Variants in LMCD1 observed in about 807,000 individuals in gnomAD.
LMCD1 encodes LIM and cysteine rich domains 1.
A neutral mutation model predicts 42.7 loss-of-function variants in LMCD1; 32 were observed. The observed-to-expected ratio is 0.75, with a 90% confidence interval of 0.57 to 1.01. LMCD1 has a LOEUF of 1.01. LMCD1 is among the 50% of genes least tolerant of loss of function. The pLI, the probability that LMCD1 is intolerant of heterozygous loss-of-function variation, is 0.00. For missense variants in LMCD1, 458 were observed against 483.1 expected (o/e 0.95, Z 0.49); for synonymous variants, 178 against 184.9 (o/e 0.96, Z 0.30).
chr3:8,567,859 G>T lies in LMCD1; in HGVS notation c.*261G>T. On this transcript the variant is annotated 3_prime_UTR_variant, in exon 6 of 6. Coordinates refer to ENST00000157600, the MANE Select transcript of LMCD1 (RefSeq NM_014583.4). ...TGGAGTTCCTTTTCTTTCTGTTGTTGTTTCCCAGCTACAACCAACTAAAGA... is the reference window on the plus strand; with the variant it reads ...TGGAGTTCCTTTTCTTTCTGTTGTTTTTTCCCAGCTACAACCAACTAAAGA... The T allele has an allele frequency of 3.8e-6, 1 of 265,742 alleles. No individual in the cohort carries two copies. Among genetic ancestry groups the T allele is most frequent in the Non-Finnish European group, 7.0e-6 (1 of 142,628 alleles). The allele number at this position is 265,742 out of a possible 1,614,324, so 16.5% of individuals were successfully genotyped here. A position where few individuals can be genotyped will look rare whatever the true frequency, so the allele number is the denominator to read the frequency against.
intron 3 of LMCD1, among the ~76,000 whole-genome samples, chr3:8,545,073 A>G (rs1694708434): frequency 1.3e-5 from 2 of 152,210 alleles, no homozygotes; most frequent in Non-Finnish European, 2.9e-5. Context: ...AGTCATATTA[A>G]TGGGGAAATG....
At chr3:8,553,488 A>G (rs894498669) in intron 4 of LMCD1, among the ~76,000 whole-genome samples, 4 of 152,212 alleles carry the variant, frequency 2.6e-5, no homozygotes, top group African/African-American at 7.2e-5. Flanking sequence ...TGCAGGACAC[A>G]CTGCTGTCTG....
At position 8,502,276 on chromosome 3, in the gene LMCD1, TAAAA is replaced by T. The variant is rs796628675; in HGVS notation, c.42+297_42+300del. On this transcript the variant is annotated intron_variant, in intron 1 of 5. Coordinates refer to ENST00000157600, the MANE Select transcript of LMCD1 (RefSeq NM_014583.4). ...ATAAAATGTATATAAAATATATATA[TAAAA>T]TATATATAATATATATTATATATAA... 5.0e-4 allele frequency among the ~76,000 whole-genome samples: 38 copies of T among 75,822 alleles called. No individual in the cohort carries two copies. The East Asian group carries it at 0.011, about 23-fold the overall frequency. 49.7% of individuals were successfully genotyped at this position (75,822 alleles called of 152,430 possible).
chr3:8,510,677 T>A (rs1693978204), intron 1 of LMCD1, among the ~76,000 whole-genome samples: 1 of 152,154 alleles, frequency 6.6e-6, no homozygotes, highest in African/African-American at 2.4e-5. Flanking sequence ...TTTATACTCA[T>A]CCCTGCTCTG....
At chr3:8,550,269 C>T (rs1271154714) in intron 4 of LMCD1, 2 of 1,040,572 alleles carry the variant, frequency 1.9e-6, no homozygotes, top group Non-Finnish European at 2.3e-6. Flanking sequence ...ACCTTTTGCT[C>T]CTCCTGCCCC....
intron 1 of LMCD1, among the ~76,000 whole-genome samples, chr3:8,522,259 G>C (rs1179387746): frequency 6.6e-6 from 1 of 152,182 alleles, no homozygotes; most frequent in Non-Finnish European, 1.5e-5. Flanking sequence ...CCCTCCCCTG[G>C]AGGGGAAGGC....
chr3:8,568,245 G>C lies in LMCD1; in HGVS notation c.*647G>C, dbSNP rs1175845847. 6.6e-6 allele frequency: 1 copy of C among 152,224 alleles called. No individual in the cohort carries two copies. The highest frequency in any genetic ancestry group is 1.5e-5 in the Non-Finnish European group (1 of 68,052). 9.4% of individuals were successfully genotyped at this position (152,224 alleles called of 1,614,324 possible). ...GTATCTCATCAGACTTCCACTGGGA[G>C]TGTAGGCTTTGGGACAGAACCCCCG... On this transcript the variant is annotated 3_prime_UTR_variant, in exon 6 of 6. Coordinates refer to ENST00000157600, the MANE Select transcript of LMCD1 (RefSeq NM_014583.4).
chr3:8,509,993 G>A (rs528361381), intron 1 of LMCD1, among the ~76,000 whole-genome samples: 7 of 152,272 alleles, frequency 4.6e-5, no homozygotes, highest in South Asian at 4.1e-4. Flanking sequence ...TGTTTTCAGA[G>A]GCAGCTGAAT....
At chr3:8,549,745 G>A in intron 4 of LMCD1, 1 of 696,902 alleles carries the variant, frequency 1.4e-6, no homozygotes, top group Non-Finnish European at 2.6e-6. Flanking sequence ...GAAGTCCAAG[G>A]CCAAGGGGCT....
rs748341812 is a variant in LMCD1 at position 8,565,614 on chromosome 3, G to A, written c.906G>A (p.Glu302=). 6.2e-7 allele frequency: 1 copy of A among 1,611,220 alleles called. No individual in the cohort carries two copies. The highest frequency in any genetic ancestry group is 1.1e-5 in the South Asian group (1 of 90,760). Residue 302 remains glutamate, a synonymous_variant, in exon 5 of 6, where the codon GAG becomes GAA. Coordinates refer to ENST00000157600, the MANE Select transcript of LMCD1 (RefSeq NM_014583.4). ...CCTGGTGCGGCCGCCATTACTGCGA[G>A]AGTCTGCGGCCCCGGTGCTCCGGCT... ...GAPWCGRHYC[E]SLRPRCSGCD...
At chr3:8,550,563 A>G in intron 4 of LMCD1, 2 of 985,180 alleles carry the variant, frequency 2.0e-6, no homozygotes, top group Non-Finnish European at 2.4e-6. Flanking sequence ...CAACCAAGAA[A>G]CTGTTTTATC....
chr3:8,539,603 G>A lies in LMCD1; in HGVS notation c.387+2163G>A, dbSNP rs113223533. On this transcript the variant is annotated intron_variant, in intron 3 of 5. Transcript: ENST00000157600. The stretch of plus-strand genomic sequence containing the variant: ...GAGCTGGCTGCGGGCTTCAGGGACC[G>A]GCTGGTGAAAACCCCAAACACATTG... Among the ~76,000 whole-genome samples the A allele has an allele frequency of 2.1e-3, 323 of 152,180 alleles. 2 individuals are homozygous for A. The highest frequency in any genetic ancestry group is 0.014 in the Middle Eastern group (4 of 294).
chr3:8,516,912 C>A (rs533555191), intron 1 of LMCD1, among the ~76,000 whole-genome samples: 2 of 152,298 alleles, frequency 1.3e-5, no homozygotes, highest in African/African-American at 4.8e-5. Flanking sequence ...AAAATAGAGG[C>A]CTTACTCTAG....
chr3:8,543,452 CAG>C (rs1206612066), intron 3 of LMCD1, among the ~76,000 whole-genome samples: 1 of 149,286 alleles, frequency 6.7e-6, no homozygotes, highest in African/African-American at 2.5e-5. Context: ...GACAGACAGA[CAG>C]AGAGATAGAC....
intron 3 of LMCD1, among the ~76,000 whole-genome samples, chr3:8,538,478 G>C (rs1173884142): frequency 2.0e-5 from 3 of 152,146 alleles, no homozygotes; most frequent in African/African-American, 7.2e-5. Flanking sequence ...GCCCTTCATG[G>C]CCCTATCCTT....
Position 8,561,674 on chromosome 3 carries a change from C to T in LMCD1, c.724-3758C>T, listed in dbSNP as rs114833177. On this transcript the variant is annotated intron_variant, in intron 4 of 5. Coordinates refer to ENST00000157600, the MANE Select transcript of LMCD1 (RefSeq NM_014583.4). ...CAGCTGTGCATTACTGAGCAAATCACTGAATCTCCCTGACCTTCAGTTTTG... is the reference window on the plus strand; with the variant it reads ...CAGCTGTGCATTACTGAGCAAATCATTGAATCTCCCTGACCTTCAGTTTTG... Among the ~76,000 whole-genome samples the T allele has an allele frequency of 2.9e-3, 449 of 152,322 alleles. 2 individuals are homozygous for T. Among genetic ancestry groups the T allele is most frequent in the African/African-American group, 0.01 (421 of 41,570 alleles).
chr3:8,515,586 C>T (rs905270224), intron 1 of LMCD1, among the ~76,000 whole-genome samples: 15 of 152,178 alleles, frequency 9.9e-5, no homozygotes, highest in Non-Finnish European at 1.8e-4. Flanking sequence ...GAGACCATTC[C>T]GTCTTCCCCT....
At chr3:8,540,961 A>G (rs1694614931) in intron 3 of LMCD1, among the ~76,000 whole-genome samples, 1 of 152,106 alleles carries the variant, frequency 6.6e-6, no homozygotes, top group African/African-American at 2.4e-5. Flanking sequence ...ATCGGCCCTC[A>G]GGATCCTTCT....
At chr3:8,539,799 TTATTA>T (rs1559352099) in intron 3 of LMCD1, among the ~76,000 whole-genome samples, 16 of 75,708 alleles carry the variant, frequency 2.1e-4, no homozygotes, top group African/African-American at 5.9e-4. Context: ...AACATTTTTA[TTATTA>T]TTATTATTAT....
Sources: allele counts gnomAD v4.1 joint callset (sites outside exome capture counted in the v4.1 genomes callset), GRCh38; gene constraint gnomAD v4.1.1; transcripts MANE v1.5; gene names NCBI Gene and HGNC (gene_info 2026-07-23, HGNC 2026-07-21).